INSYN2B: variants seen among roughly 807,000 people sequenced by gnomAD.
INSYN2B encodes the protein inhibitory synaptic factor family member 2B, also known as protein INSYN2B.
INSYN2B carries 16 observed loss-of-function variants against 41.2 expected under a neutral mutation model. The observed-to-expected ratio is 0.39, with a 90% CI of 0.26 to 0.59. INSYN2B has a LOEUF of 0.59. Among genes scored for constraint, INSYN2B ranks in the 20% least tolerant of loss-of-function variants. The probability of loss-of-function intolerance (pLI) is 0.57; values close to 1 mark genes in which losing one functional copy is unlikely to be tolerated. For synonymous variants in INSYN2B, 245 were observed against 244.4 expected (o/e 1.00, Z -0.02); for missense variants, 608 against 646.4 (o/e 0.94, Z 0.64).
intron 1 of INSYN2B, among the ~76,000 whole-genome samples, chr5:169,946,773 C>T (rs539253903): frequency 1.3e-5 from 2 of 152,340 alleles, no homozygotes; most frequent in South Asian, 4.1e-4. Context: ...CAGTAGGATC[C>T]TGTCATTGAG....
chr5:169,907,984 C>T (rs968565355), intron 1 of INSYN2B, among the ~76,000 whole-genome samples: 3 of 152,320 alleles, frequency 2.0e-5, no homozygotes, highest in African/African-American at 7.2e-5. Flanking sequence ...TCCCAGTCTC[C>T]ACTGAAGTGT....
intron 1 of INSYN2B, among the ~76,000 whole-genome samples, chr5:169,906,371 G>A (rs755602914): frequency 2.6e-5 from 4 of 152,148 alleles, no homozygotes; most frequent in Non-Finnish European, 5.9e-5. Context: ...GCCAGCAAAC[G>A]GGCGTTCATC....
rs1281492616 is a variant in INSYN2B, at chr5:169,863,289, A to G, written c.*984T>C. Among the ~76,000 whole-genome samples the G allele has an allele frequency of 5.3e-5, 8 of 152,122 alleles. No individual in the cohort carries two copies. On this transcript the variant is annotated 3_prime_UTR_variant, in exon 4 of 4. Coordinates refer to ENST00000377365, the MANE Select transcript of INSYN2B (RefSeq NM_001129891.3). ...AGGAAGGGAGACTGTGTCGATTAAT[A>G]TATGTTTGAACCTATCTACACGGCT...
At chr5:169,960,343 A>G (rs981904058) in intron 1 of INSYN2B, among the ~76,000 whole-genome samples, 2 of 152,296 alleles carry the variant, frequency 1.3e-5, no homozygotes, top group East Asian at 3.9e-4. Context: ...CTGCTCATTT[A>G]TGGTGCCTGA....
At chr5:169,891,782 AGACCAGCTTG>A (rs1170965370) in intron 1 of INSYN2B, among the ~76,000 whole-genome samples, 1 of 152,138 alleles carries the variant, frequency 6.6e-6, no homozygotes, top group Admixed American at 6.6e-5. Context: ...CAGGAGTTCA[AGACCAGCTTG>A]GACCAGCTTG....
chr5:169,932,537 C>T (rs2113685476), intron 1 of INSYN2B, among the ~76,000 whole-genome samples: 1 of 152,320 alleles, frequency 6.6e-6, no homozygotes, highest in African/African-American at 2.4e-5. Flanking sequence ...GCATGCCTCA[C>T]TGATGCTTTT....
At chr5:169,977,410 A>T (rs1777753895) in intron 1 of INSYN2B, among the ~76,000 whole-genome samples, 1 of 152,236 alleles carries the variant, frequency 6.6e-6, no homozygotes, top group African/African-American at 2.4e-5. Flanking sequence ...TGAGTCAGCA[A>T]CAAGACAATA....
chr5:169,979,479 G>A (rs1228955102), intron 1 of INSYN2B, among the ~76,000 whole-genome samples: 1 of 152,120 alleles, frequency 6.6e-6, no homozygotes, highest in African/African-American at 2.4e-5. Context: ...CAAAAGAGGT[G>A]GTTTTTAAAA....
chr5:169,979,571 A>G (rs1777866257), intron 1 of INSYN2B, among the ~76,000 whole-genome samples: 1 of 152,206 alleles, frequency 6.6e-6, no homozygotes, highest in South Asian at 2.1e-4. Flanking sequence ...AATCATTCAC[A>G]TCGGTGTGAT....
At chr5:169,941,582 C>T (rs535779370) in intron 1 of INSYN2B, among the ~76,000 whole-genome samples, 1 of 152,282 alleles carries the variant, frequency 6.6e-6, no homozygotes, top group East Asian at 1.9e-4. Flanking sequence ...GAAAGAAGAA[C>T]CAAATCTGGC....
At chr5:169,947,254 TC>T (rs1368854423) in intron 1 of INSYN2B, among the ~76,000 whole-genome samples, 2 of 152,174 alleles carry the variant, frequency 1.3e-5, no homozygotes, top group African/African-American at 4.8e-5. Flanking sequence ...CACTGCAAAC[TC>T]ACTTGAATGT....
At chr5:169,932,203 GC>G (rs956831938) in intron 1 of INSYN2B, among the ~76,000 whole-genome samples, 1 of 152,068 alleles carries the variant, frequency 6.6e-6, no homozygotes. Context: ...AGCATCACCT[GC>G]ACACACACAC....
intron 1 of INSYN2B, among the ~76,000 whole-genome samples, chr5:169,905,076 C>T (rs1476402090): frequency 6.6e-6 from 1 of 152,104 alleles, no homozygotes; most frequent in African/African-American, 2.4e-5. Context: ...TCAGGGAGGC[C>T]GTGCAGAGTG....
At chr5:169,882,461 T>C in intron 2 of INSYN2B, 92 bp downstream of exon 2, 1 of 1,113,058 alleles carries the variant, frequency 9.0e-7, no homozygotes, top group Non-Finnish European at 1.3e-6. Context: ...TTTGGAGACA[T>C]TTTTACTAAA....
chr5:169,903,035 T>C (rs943647809), intron 1 of INSYN2B, among the ~76,000 whole-genome samples: 6 of 149,858 alleles, frequency 4.0e-5, no homozygotes, highest in Middle Eastern at 3.2e-3. Flanking sequence ...GAGGTGGAGG[T>C]TGCAGTGAGC....
intron 1 of INSYN2B, among the ~76,000 whole-genome samples, chr5:169,954,636 C>T (rs778579344): frequency 3.3e-5 from 5 of 152,356 alleles, no homozygotes; most frequent in South Asian, 2.1e-4. Context: ...AGGGGAGTGA[C>T]TTGCCCAGAA....
intron 3 of INSYN2B, among the ~76,000 whole-genome samples, chr5:169,874,150 T>C (rs1052409639): frequency 4.6e-5 from 7 of 152,156 alleles, no homozygotes; most frequent in African/African-American, 1.4e-4. Flanking sequence ...TGGTGGCTCA[T>C]GCCTGTAATC....
At chr5:169,963,087 C>T (rs1777157380) in intron 1 of INSYN2B, among the ~76,000 whole-genome samples, 1 of 152,144 alleles carries the variant, frequency 6.6e-6, no homozygotes, top group African/African-American at 2.4e-5. Flanking sequence ...ACTGGGTTCC[C>T]CTGGAATATG....
chr5:169,882,781 C>T lies in INSYN2B; in HGVS notation c.1118G>A (p.Cys373Tyr), dbSNP rs747332059. 6.4e-7 allele frequency: 1 copy of T among 1,551,462 alleles called. No individual in the cohort carries two copies. Among genetic ancestry groups the T allele is most frequent in the Admixed American group, 2.0e-5 (1 of 50,950 alleles). ...TESDTLEFPN[C>Y]PGSNHLPSSL... ...GGATGGGAGATGATTACTTCCTGGA[C>T]AATTTGGAAACTCCAGTGTGTCTGA... Residue 373 changes from cysteine (C) to tyrosine (Y), a missense_variant, in exon 2 of 4, where the codon TGT (cysteine) becomes TAT (tyrosine). By Grantham distance (194) the Cys-to-Tyr change is radical. Transcript: ENST00000377365.
Sources: allele counts gnomAD v4.1 joint callset (sites outside exome capture counted in the v4.1 genomes callset), GRCh38; gene constraint gnomAD v4.1.1; transcripts MANE v1.5; gene names NCBI Gene and HGNC (gene_info 2026-07-23, HGNC 2026-07-21).